RGS3: variants seen among roughly 807,000 people sequenced by gnomAD.
RGS3 encodes regulator of G protein signaling 3.
A neutral mutation model predicts 132.6 loss-of-function variants in RGS3; 80 were observed. The observed-to-expected ratio is 0.60, with a 90% confidence interval of 0.50 to 0.73. The LOEUF is 0.73. RGS3 is among the 30% of genes least tolerant of loss of function. The pLI, the probability that RGS3 is intolerant of heterozygous loss-of-function variation, is 0.00. For synonymous variants in RGS3, 598 were observed against 620.6 expected, an observed-to-expected ratio of 0.96 and a Z score of 0.54; for missense variants, 1,382 against 1,530.8, an observed-to-expected ratio of 0.90 and a Z score of 1.62.
intron 4 of RGS3, among the ~76,000 whole-genome samples, chr9:113,482,061 CA>C (rs966252374): frequency 1.4e-5 from 2 of 145,552 alleles, no homozygotes; most frequent in African/African-American, 5.1e-5. Flanking sequence ...AAAAAAAAAA[CA>C]AAAAAAACAA....
At chr9:113,583,009 T>C (rs145288882) in intron 19 of RGS3, 8 of 183,008 alleles carry the variant, frequency 4.4e-5, no homozygotes, top group African/African-American at 1.7e-4. Flanking sequence ...CTGCCCTGGC[T>C]TGGTTCTGGT....
At chr9:113,594,605 G>C (rs1428802424) in intron 22 of RGS3, 74 bp downstream of exon 20, 1 of 1,268,870 alleles carries the variant, frequency 7.9e-7, no homozygotes, top group African/African-American at 1.5e-5. Context: ...TGAGTGGTAG[G>C]GTTGAGGGGA....
At chr9:113,594,135 C>G in intron 21 of RGS3, 1 of 1,613,188 alleles carries the variant, frequency 6.2e-7, no homozygotes, top group Non-Finnish European at 8.5e-7. Flanking sequence ...GTCCAGTCAT[C>G]AGGCCAGGAT....
chr9:113,475,631 A>G lies in RGS3; in HGVS notation c.416-3860A>G, dbSNP rs142717318. 9.3e-4 allele frequency among the ~76,000 whole-genome samples: 142 copies of G among 152,226 alleles called. 2 individuals carry two copies. In the South Asian group the frequency reaches 0.012, roughly 12 times the overall value. ...TGCTGTATTGTCCAGGTTGGTGTCA[A>G]ACTCCTGGACTCAAGCAATCCTCCC... is the stretch of plus-strand genomic sequence containing the variant. On this transcript the variant is annotated intron_variant, in intron 3 of 24. Coordinates refer to ENST00000350696, the Ensembl canonical transcript of RGS3.
At chr9:113,472,879 A>C (rs1829876739) in intron 3 of RGS3, among the ~76,000 whole-genome samples, 1 of 152,074 alleles carries the variant, frequency 6.6e-6, no homozygotes, top group Admixed American at 6.6e-5. Flanking sequence ...TCTCTACAAA[A>C]AATACAAAAA....
chr9:113,472,312 C>T (rs1829859236), intron 3 of RGS3, among the ~76,000 whole-genome samples: 1 of 152,130 alleles, frequency 6.6e-6, no homozygotes, highest in Non-Finnish European at 1.5e-5. Flanking sequence ...AACATGTGTA[C>T]ACACACACAT....
chr9:113,459,746 A>T (rs1176639652), upstream of RGS3, among the ~76,000 whole-genome samples: 7 of 139,566 alleles, frequency 5.0e-5, no homozygotes, highest in African/African-American at 1.5e-4. Context: ...CAAAAAAAAT[A>T]AAAAAAAAGA....
Position 113,506,589 on chromosome 9 carries a change from T to A in RGS3, c.1085+96T>A. 1.3e-6 allele frequency: 1 copy of A among 776,706 alleles called. No individual in the cohort carries two copies. The highest frequency in any genetic ancestry group is 1.6e-5 in the South Asian group (1 of 62,446). 48.1% of individuals were successfully genotyped at this position (776,706 alleles called of 1,614,324 possible). ...CCTTGCCTGGCCCAGCTCTTGCTGCTCCCTCTTTTGCCTAGCTGTGAGCAG... is the reference window on the plus strand; with the variant it reads ...CCTTGCCTGGCCCAGCTCTTGCTGCACCCTCTTTTGCCTAGCTGTGAGCAG... On this transcript the variant is annotated intron_variant, in intron 12 of 24. Coordinates refer to ENST00000350696, the Ensembl canonical transcript of RGS3. The surrounding 1 kb of genome is among the most constrained non-coding windows in gnomAD (Gnocchi z 4.7).
chr9:113,509,838 C>A (rs899493943), intron 14 of RGS3, among the ~76,000 whole-genome samples: 14 of 152,178 alleles, frequency 9.2e-5, no homozygotes, highest in Admixed American at 6.5e-5. Context: ...TCTTCTTTCT[C>A]TCCGGTCTGG....
chr9:113,531,452 T>C (rs1832460702), intron 18 of RGS3, among the ~76,000 whole-genome samples: 1 of 152,118 alleles, frequency 6.6e-6, no homozygotes, highest in Admixed American at 6.5e-5. Flanking sequence ...GTGGTAATGA[T>C]TAAATGAGAT....
chr9:113,522,821 A>C, intron 16 of RGS3, 109 bp from the exon 15 acceptor site: 1 of 761,958 alleles, frequency 1.3e-6, no homozygotes, highest in Non-Finnish European at 2.4e-6. Context: ...GATGATGAGG[A>C]TGCATTATCT....
intron 19 of RGS3, 42 bp from the exon 18 acceptor site, chr9:113,583,408 C>T: frequency 6.2e-7 from 1 of 1,601,348 alleles, no homozygotes; most frequent in Non-Finnish European, 8.5e-7. Context: ...CATCTTGGAG[C>T]CTCCTCTTCT....
At chr9:113,575,107 C>G (rs943668236) in intron 19 of RGS3, among the ~76,000 whole-genome samples, 1 of 152,134 alleles carries the variant, frequency 6.6e-6, no homozygotes, top group Non-Finnish European at 1.5e-5. Context: ...ACCCAGACCC[C>G]GGGAGCCGCC....
At chr9:113,594,205 G>T in intron 21 of RGS3, 2 of 1,612,930 alleles carry the variant, frequency 1.2e-6, no homozygotes, top group Non-Finnish European at 1.7e-6. Context: ...AGGACGCGGG[G>T]TGGGGGACAG....
intron 1 of RGS3, among the ~76,000 whole-genome samples, chr9:113,449,448 T>C (rs763873266): frequency 6.6e-6 from 1 of 152,304 alleles, no homozygotes; most frequent in Middle Eastern, 3.4e-3. Context: ...ATTTTACTTA[T>C]GAGAATTCCG....
At chr9:113,505,061 A>G (rs1482791551) in intron 10 of RGS3, 13 of 217,820 alleles carry the variant, frequency 6.0e-5, no homozygotes, top group Non-Finnish European at 1.2e-4. Flanking sequence ...GTGAGAAAGG[A>G]AGAAGGGAGC....
At chr9:113,485,829 G>A in intron 7 of RGS3, 136 bp downstream of exon 5, 1 of 626,860 alleles carries the variant, frequency 1.6e-6, no homozygotes. Context: ...AATTGCAGAG[G>A]CTGCCCCTCC....
At chr9:113,585,239 T>C (rs568784967) in intron 20 of RGS3, among the ~76,000 whole-genome samples, 1 of 152,336 alleles carries the variant, frequency 6.6e-6, no homozygotes, top group South Asian at 2.1e-4. Flanking sequence ...CCAGCTAGTT[T>C]GGGTCTGGGC....
At chr9:113,515,756 A>G (rs1236651784) in intron 15 of RGS3, among the ~76,000 whole-genome samples, 1 of 152,202 alleles carries the variant, frequency 6.6e-6, no homozygotes, top group African/African-American at 2.4e-5. Context: ...ACCTTATTCT[A>G]TATTTTATAT....
Sources: gnomAD v4.1 joint callset for allele counts (sites outside exome capture counted in the v4.1 genomes callset) on GRCh38, gnomAD v4.1.1 for gene constraint, Gnocchi (gnomAD v3.1) non-coding constraint, MANE v1.5 for transcripts, NCBI Gene and HGNC (gene_info 2026-07-23, HGNC 2026-07-21) for gene names.